NRROS: variants seen among roughly 807,000 people sequenced by gnomAD.
The protein encoded by NRROS is transforming growth factor beta activator LRRC33.
Under a neutral mutation model 12.0 loss-of-function variants are expected in NRROS, and 6 were observed. That is an observed-to-expected ratio of 0.50 (90% CI 0.27 to 0.98). The LOEUF (loss-of-function observed/expected upper bound fraction) is 0.98. Ranked by LOEUF, NRROS falls within the 50% of genes least tolerant of loss-of-function variation. The pLI, the probability that NRROS is intolerant of heterozygous loss-of-function variation, is 0.11. For missense variants in NRROS, 857 were observed against 888.2 expected (o/e 0.96, Z 0.45); for synonymous variants, 462 against 410.2 (o/e 1.13, Z -1.53).
Position 196,660,186 on chromosome 3 carries a change from G to A in NRROS, c.543G>A (p.Glu181=). ...ACGACTCCGTCTTCGAGGGCCTGGA[G>A]CGTCTCCGGGAGCTGGATCTGCAGA... is the stretch of plus-strand genomic sequence containing the variant. The part of the protein sequence containing the change: ...RLDDSVFEGL[E]RLRELDLQRN... Residue 181 remains glutamate, a synonymous_variant, in exon 3 of 3, where the codon GAG becomes GAA. Coordinates refer to ENST00000328557, the MANE Select transcript of NRROS (RefSeq NM_198565.3). The surrounding 1 kb of genome is among the most constrained non-coding windows in gnomAD (Gnocchi z 7.7). 6.2e-7 allele frequency: 1 copy of A among 1,613,160 alleles called. No individual in the cohort carries two copies. Among genetic ancestry groups the A allele is most frequent in the Non-Finnish European group, 8.5e-7 (1 of 1,180,032 alleles).
chr3:196,647,960 C>T (rs1737343706), intron 1 of NRROS, among the ~76,000 whole-genome samples: 1 of 152,198 alleles, frequency 6.6e-6, no homozygotes, highest in Non-Finnish European at 1.5e-5. Flanking sequence ...CCTCGGACTC[C>T]CAAAGTGCTG....
chr3:196,661,274 C>T lies in NRROS; in HGVS notation c.1631C>T (p.Ser544Leu), dbSNP rs200884430. Residue 544 changes from serine (S) to leucine (L), a missense_variant, in exon 3 of 3, where the codon TCG (serine) becomes TTG (leucine). Transcript: ENST00000328557. ...GGGAATCTCAGGGACTTAGATCTGTCGGGGAATTGCTTGACCACCTTCCCA... is the reference window on the plus strand; with the variant it reads ...GGGAATCTCAGGGACTTAGATCTGTTGGGGAATTGCTTGACCACCTTCCCA... ...GFGNLRDLDLSGNCLTTFPRF... is the reference protein window; with the variant it reads ...GFGNLRDLDLLGNCLTTFPRF... 2.2e-4 allele frequency: 358 copies of T among 1,613,356 alleles called. 1 individual carries two copies. Among genetic ancestry groups the T allele is most frequent in the Middle Eastern group, 5.0e-4 (3 of 6,060 alleles).
intron 1 of NRROS, among the ~76,000 whole-genome samples, chr3:196,651,245 A>G (rs1459980176): frequency 6.6e-6 from 1 of 152,164 alleles, no homozygotes; most frequent in African/African-American, 2.4e-5. Context: ...CTTTACAGTC[A>G]TTACATACTT....
Position 196,646,349 on chromosome 3 carries a change from G to A in NRROS, c.-14+6474G>A, listed in dbSNP as rs572270909. Among the ~76,000 whole-genome samples, 4 of 152,378 alleles carry A rather than the reference G, an allele frequency of 2.6e-5. No individual in the cohort carries two copies. In the South Asian group the frequency reaches 8.3e-4, roughly 32 times the overall value. On this transcript the variant is annotated intron_variant, in intron 1 of 2. Coordinates refer to ENST00000328557, the MANE Select transcript of NRROS (RefSeq NM_198565.3). ...CTGAAGGGAAATCAGATGCTAATGC[G>A]TTATGCGGTTGAGCGCCTATCAGCA...
At chr3:196,659,660 G>A in intron 2 of NRROS, 92 bp from the exon 3 acceptor site, 2 of 1,315,296 alleles carry the variant, frequency 1.5e-6, no homozygotes, top group Non-Finnish European at 2.1e-6. Flanking sequence ...CCCGGCGGTT[G>A]CAGGGACAGT....
rs1423135275 is a variant in NRROS at position 196,654,310 on chromosome 3, G to A, written c.-13-217G>A. ...AGCCACCCGTCCATCAAGTGGTAGA[G>A]GCAAAATGAAATTGAGTTCTTGTCA... On this transcript the variant is annotated intron_variant, in intron 1 of 2. Coordinates refer to ENST00000328557, the MANE Select transcript of NRROS (RefSeq NM_198565.3). The surrounding 1 kb of genome is among the most constrained non-coding windows in gnomAD (Gnocchi z 4.4). Among the ~76,000 whole-genome samples the A allele has an allele frequency of 1.3e-5, 2 of 152,214 alleles. No individual in the cohort carries two copies. The highest frequency in any genetic ancestry group is 4.8e-5 in the African/African-American group (2 of 41,458).
chr3:196,661,772 T>C lies in NRROS; in HGVS notation c.*50T>C, dbSNP rs1737693318. Reference sequence around the variant, plus strand: ...ATTCGGTCCGCACACAACAGGACACTTTCTCTGCCAGCTTTCAAGATGTGA... The same window carrying C: ...ATTCGGTCCGCACACAACAGGACACCTTCTCTGCCAGCTTTCAAGATGTGA... On this transcript the variant is annotated 3_prime_UTR_variant, in exon 3 of 3. Coordinates refer to ENST00000328557, the MANE Select transcript of NRROS (RefSeq NM_198565.3). 6.9e-6 allele frequency: 10 copies of C among 1,457,590 alleles called. No individual in the cohort carries two copies. The highest frequency in any genetic ancestry group is 9.2e-6 in the Non-Finnish European group (10 of 1,087,336). 90.3% of individuals were successfully genotyped at this position (1,457,590 alleles called of 1,614,324 possible).
rs1737620068 is a variant in NRROS at position 196,659,743 on chromosome 3, T to G, written c.109-9T>G. The stretch of plus-strand genomic sequence containing the variant: ...TCCTCGCTGCTGACCGGTGTGGTTT[T>G]GGCCGCAGGTGGGTGGAGCCGCTGA... On this transcript the variant is annotated splice_polypyrimidine_tract_variant and intron_variant, in intron 2 of 2. Coordinates refer to ENST00000328557, the MANE Select transcript of NRROS (RefSeq NM_198565.3). 1 of 1,601,304 alleles carries G rather than the reference T, an allele frequency of 6.2e-7. No homozygotes were observed. Among genetic ancestry groups the G allele is most frequent in the South Asian group, 1.1e-5 (1 of 89,670 alleles).
At position 196,647,720 on chromosome 3, in the gene NRROS, G is replaced by A. The variant is rs201728048; in HGVS notation, c.-13-6807G>A. Among the ~76,000 whole-genome samples, 11 of 152,236 alleles carry A rather than the reference G, an allele frequency of 7.2e-5. No individual in the cohort carries two copies. In the East Asian group the frequency reaches 1.9e-3, roughly 27 times the overall value. On this transcript the variant is annotated intron_variant, in intron 1 of 2. Transcript: ENST00000328557. ...ATTACAGGTGCCTGCCACTATGCTCGGCTAATTTTTGTATTTTTAGTAGAG... is the reference window on the plus strand; with the variant it reads ...ATTACAGGTGCCTGCCACTATGCTCAGCTAATTTTTGTATTTTTAGTAGAG...
rs75408080 is a variant in NRROS at position 196,654,109 on chromosome 3, T to A, written c.-13-418T>A. On this transcript the variant is annotated intron_variant, in intron 1 of 2. Transcript: ENST00000328557. This position sits in a 1 kb window ranked among gnomAD's most constrained non-coding sequence, Gnocchi z 4.4. ...CTCCGTCCACTCTCCAGTTGTTCAT[T>A]CATTCACTCAGCAAGTACTTACTGA... 2.2e-4 allele frequency among the ~76,000 whole-genome samples: 33 copies of A among 152,280 alleles called. No homozygotes were observed. Among genetic ancestry groups the A allele is most frequent in the Non-Finnish European group, 4.0e-4 (27 of 68,022 alleles).
intron 1 of NRROS, among the ~76,000 whole-genome samples, chr3:196,640,976 G>T (rs1360353211): frequency 1.3e-5 from 2 of 152,146 alleles, no homozygotes; most frequent in Non-Finnish European, 2.9e-5. Context: ...GTGACACACA[G>T]ACTGTTCTGT....
In NRROS at chr3:196,654,893, C is replaced by T. The variant is rs751715448; in HGVS notation, c.108+246C>T. 7.3e-5 allele frequency: 33 copies of T among 453,474 alleles called. No individual in the cohort carries two copies. The highest frequency in any genetic ancestry group is 5.1e-4 in the African/African-American group (25 of 49,436). 28.1% of individuals were successfully genotyped at this position (453,474 alleles called of 1,614,324 possible). A position where few individuals can be genotyped will look rare whatever the true frequency, so the allele number is the denominator to read the frequency against. ...ACGCCTGCTGAGGATAGGAGGCATC[C>T]GAGACCAGCCTAGGGCATCCTCCCG... On this transcript the variant is annotated intron_variant, in intron 2 of 2. Coordinates refer to ENST00000328557, the MANE Select transcript of NRROS (RefSeq NM_198565.3). This position sits in a 1 kb window ranked among gnomAD's most constrained non-coding sequence, Gnocchi z 4.4.
intron 2 of NRROS, among the ~76,000 whole-genome samples, chr3:196,658,835 T>C (rs1393181172): frequency 6.6e-6 from 1 of 152,112 alleles, no homozygotes; most frequent in Non-Finnish European, 1.5e-5. Flanking sequence ...CTGGGCGTGG[T>C]GGCATGTGCC....
At chr3:196,659,560 C>T (rs1246348145) in intron 2 of NRROS, among the ~76,000 whole-genome samples, 192 bp from the exon 3 acceptor site, 1 of 152,112 alleles carries the variant, frequency 6.6e-6, no homozygotes, top group African/African-American at 2.4e-5. Flanking sequence ...CCACCTGCCT[C>T]GGCCTCCCAA....
intron 1 of NRROS, among the ~76,000 whole-genome samples, chr3:196,644,508 T>TG (rs1737268698): frequency 6.6e-6 from 1 of 151,934 alleles, no homozygotes; most frequent in Non-Finnish European, 1.5e-5. Context: ...CTGGGTGCAG[T>TG]GGCTCACACC....
chr3:196,641,638 G>C (rs939789843), intron 1 of NRROS, among the ~76,000 whole-genome samples: 5 of 152,222 alleles, frequency 3.3e-5, no homozygotes, highest in African/African-American at 1.2e-4. Context: ...CCAAAACAGA[G>C]AGCAGACGCC....
intron 1 of NRROS, among the ~76,000 whole-genome samples, chr3:196,649,993 TGG>T (rs1253671729): frequency 6.6e-6 from 1 of 151,332 alleles, no homozygotes; most frequent in Non-Finnish European, 1.5e-5. Context: ...GAGGTGGGGG[TGG>T]GGACGGTAAG....
Position 196,654,417 on chromosome 3 carries a change from C to T in NRROS, c.-13-110C>T. ...TGGGCTGCACCTCTATGGAGCTCCA[C>T]AGAGCTCCAAGACCACATAGAATTG... is the stretch of plus-strand genomic sequence containing the variant. On this transcript the variant is annotated intron_variant, in intron 1 of 2. Transcript: ENST00000328557. This position sits in a 1 kb window ranked among gnomAD's most constrained non-coding sequence, Gnocchi z 4.4. 7 of 739,294 alleles carry T rather than the reference C, an allele frequency of 9.5e-6. No homozygotes were observed. The highest frequency in any genetic ancestry group is 8.7e-5 in the South Asian group (6 of 68,714). The allele number at this position is 739,294 out of a possible 1,614,324, so 45.8% of individuals were successfully genotyped here.
Position 196,659,946 on chromosome 3 carries a change from C to T in NRROS, c.303C>T (p.Phe101=). Residue 101 remains phenylalanine, a synonymous_variant, in exon 3 of 3, where the codon TTC becomes TTT. Transcript: ENST00000328557. ...CHLERISRGA[F]QEQGHLRSLV... The stretch of plus-strand genomic sequence containing the variant: ...TGGAGCGCATCAGCCGCGGCGCCTT[C>T]CAGGAGCAAGGTCACCTGCGCAGCC... 1 of 1,614,054 alleles carries T rather than the reference C, an allele frequency of 6.2e-7. No homozygotes were observed. The highest frequency in any genetic ancestry group is 1.1e-5 in the South Asian group (1 of 91,080).
Sources: gnomAD v4.1 joint callset for allele counts (sites outside exome capture counted in the v4.1 genomes callset) on GRCh38, gnomAD v4.1.1 for gene constraint, Gnocchi (gnomAD v3.1) non-coding constraint, MANE v1.5 for transcripts, NCBI Gene and HGNC (gene_info 2026-07-23, HGNC 2026-07-21) for gene names.